Variants in KCTD1 observed in about 807,000 individuals in gnomAD.
KCTD1 encodes potassium channel tetramerization domain containing 1.
Under a neutral mutation model 66.0 loss-of-function variants are expected in KCTD1, and 24 were observed. The observed-to-expected ratio is 0.36, with a 90% CI of 0.26 to 0.51. The LOEUF (loss-of-function observed/expected upper bound fraction) is 0.51. Ranked by LOEUF, KCTD1 falls within the 20% of genes least tolerant of loss-of-function variation. The pLI is 0.95. For synonymous variants in KCTD1, 511 were observed against 517.2 expected, an observed-to-expected ratio of 0.99 and a Z score of 0.16; for missense variants, 943 against 1,205.2, an observed-to-expected ratio of 0.78 and a Z score of 3.22.
At chr18:26,514,977 C>G (rs1184726721) in intron 1 of KCTD1, among the ~76,000 whole-genome samples, 1 of 152,200 alleles carries the variant, frequency 6.6e-6, no homozygotes, top group Non-Finnish European at 1.5e-5. Context: ...GCCCTAAAGA[C>G]AGCAGTGAAC....
At chr18:26,490,640 C>T (rs549851954) in intron 2 of KCTD1, among the ~76,000 whole-genome samples, 8 of 152,158 alleles carry the variant, frequency 5.3e-5, no homozygotes, top group African/African-American at 9.6e-5. Flanking sequence ...AAGGGAGATA[C>T]TAAGCAAAAT....
chr18:26,620,485 G>A (rs1312694791), intron 1 of KCTD1, among the ~76,000 whole-genome samples: 3 of 141,946 alleles, frequency 2.1e-5, no homozygotes, highest in Non-Finnish European at 3.0e-5. Context: ...TGCCCAGGCT[G>A]GAGTGTGGTG....
chr18:26,483,255 ATTTTTCTTTCTTTTCT>A (rs1011648668), intron 2 of KCTD1, among the ~76,000 whole-genome samples: 1 of 152,022 alleles, frequency 6.6e-6, no homozygotes, highest in African/African-American at 2.4e-5. Context: ...TTTAAAGAGT[ATTTTTCTTTCTTTTCT>A]TTTTTCTTTT....
upstream of KCTD1, chr18:26,548,866 TG>T (rs1319836226): frequency 4.0e-6 from 4 of 1,002,414 alleles, no homozygotes; most frequent in Non-Finnish European, 4.7e-6. Flanking sequence ...GAGCTGTCGG[TG>T]GGGGCGAAAC....
At chr18:26,531,879 T>C (rs1179035189) in intron 1 of KCTD1, among the ~76,000 whole-genome samples, 1 of 152,240 alleles carries the variant, frequency 6.6e-6, no homozygotes, top group East Asian at 1.9e-4. Flanking sequence ...ATTACAAATA[T>C]GGATGAAGCA....
In KCTD1 at chr18:26,547,475, G is replaced by A; in HGVS notation, c.1062C>T (p.Tyr354=). ...KFVYFKSLGP[Y]HKSRSSSWSK... ...TCCACGACGACGAGCGCGACTTGTG[G>A]TAGGGCCCGAGGGACTTGAAGTAGA... The change falls in exon 1 of 5, where the codon TAC becomes TAT. Residue 354 remains tyrosine, a synonymous_variant. Coordinates refer to ENST00000580059, the MANE Select transcript of KCTD1 (RefSeq NM_001142730.3). The A allele has an allele frequency of 6.4e-7, 1 of 1,551,540 alleles. No homozygotes were observed. The highest frequency in any genetic ancestry group is 8.7e-7 in the Non-Finnish European group (1 of 1,146,978).
At chr18:26,489,022 C>A (rs1413434699) in intron 2 of KCTD1, among the ~76,000 whole-genome samples, 2 of 152,194 alleles carry the variant, frequency 1.3e-5, no homozygotes, top group African/African-American at 2.4e-5. Flanking sequence ...AAAACACACA[C>A]CTCGTAAGAT....
chr18:26,559,285 G>A (rs1202590371), intron 1 of KCTD1, among the ~76,000 whole-genome samples: 4 of 152,220 alleles, frequency 2.6e-5, no homozygotes, highest in African/African-American at 9.6e-5. Flanking sequence ...AAGGATAAAT[G>A]CTTGAGGGGA....
At chr18:26,599,958 A>G in intron 1 of KCTD1, 2 of 1,602,838 alleles carry the variant, frequency 1.2e-6, no homozygotes, top group South Asian at 1.1e-5. Context: ...CTTCTCCTTC[A>G]GTGAAGCCTG....
At chr18:26,583,874 G>T (rs554594634) in intron 1 of KCTD1, among the ~76,000 whole-genome samples, 2 of 152,336 alleles carry the variant, frequency 1.3e-5, no homozygotes, top group South Asian at 4.1e-4. Flanking sequence ...GACACTCTCA[G>T]TAATGGTAGC....
intron 1 of KCTD1, among the ~76,000 whole-genome samples, chr18:26,624,246 G>T (rs1598972182): frequency 6.6e-6 from 1 of 152,198 alleles, no homozygotes; most frequent in Non-Finnish European, 1.5e-5. Flanking sequence ...CAAGCCAGCT[G>T]CAGAAATTTG....
At chr18:26,502,992 A>T (rs1432378980) in intron 1 of KCTD1, among the ~76,000 whole-genome samples, 1 of 152,260 alleles carries the variant, frequency 6.6e-6, no homozygotes, top group Non-Finnish European at 1.5e-5. Context: ...CACATGTCCA[A>T]GCAAGACTGT....
intron 1 of KCTD1, chr18:26,545,108 C>T (rs1177841874): frequency 1.3e-5 from 2 of 152,168 alleles, no homozygotes; most frequent in Non-Finnish European, 2.9e-5. Flanking sequence ...TTCTATATTA[C>T]ACTGGTGTCA....
At position 26,468,493 on chromosome 18, in the gene KCTD1, T is replaced by A. The variant is rs1186675852; in HGVS notation, c.2133+8022A>T. ...GAAAGAAGCAGGTAATCAATAAACA[T>A]TCTCCCTAACAAACTTAGTGAAAGA... On this transcript the variant is annotated intron_variant, in intron 3 of 4. Coordinates refer to ENST00000580059, the MANE Select transcript of KCTD1 (RefSeq NM_001142730.3). This position sits in a 1 kb window ranked among gnomAD's most constrained non-coding sequence, Gnocchi z 4.8. 6.6e-6 allele frequency among the ~76,000 whole-genome samples: 1 copy of A among 152,114 alleles called. No homozygotes were observed. The highest frequency in any genetic ancestry group is 2.4e-5 in the African/African-American group (1 of 41,428).
chr18:26,476,413 C>T lies in KCTD1; in HGVS notation c.2133+102G>A, dbSNP rs1170134670. 50 of 1,108,386 alleles carry T rather than the reference C, an allele frequency of 4.5e-5. No homozygotes were observed. The highest frequency in any genetic ancestry group is 4.4e-4 in the South Asian group (26 of 59,100). The allele number at this position is 1,108,386 out of a possible 1,614,324, so 68.7% of individuals were successfully genotyped here. ...TGTCAAAGAGAACTCTGGCACCTTT[C>T]GAGTTGGTGTATGTTAATAATGTAG... On this transcript the variant is annotated intron_variant, in intron 3 of 4. Coordinates refer to ENST00000580059, the MANE Select transcript of KCTD1 (RefSeq NM_001142730.3). This position sits in a 1 kb window ranked among gnomAD's most constrained non-coding sequence, Gnocchi z 4.9.
intron 1 of KCTD1, among the ~76,000 whole-genome samples, chr18:26,574,481 A>T (rs1188730291): frequency 6.6e-6 from 1 of 152,252 alleles, no homozygotes; most frequent in African/African-American, 2.4e-5. Context: ...TCAAGAGCAC[A>T]AGGGCTTTGA....
upstream of KCTD1, among the ~76,000 whole-genome samples, chr18:26,633,537 C>T (rs903792911): frequency 3.3e-5 from 5 of 152,106 alleles, no homozygotes; most frequent in South Asian, 8.3e-4. Flanking sequence ...AATAATTACC[C>T]CCCCAAATGT....
At chr18:26,528,926 A>G (rs1984303197) in intron 1 of KCTD1, among the ~76,000 whole-genome samples, 1 of 152,100 alleles carries the variant, frequency 6.6e-6, no homozygotes, top group African/African-American at 2.4e-5. Flanking sequence ...CTGTCACTGT[A>G]ATTTCTTTCT....
At chr18:26,479,540 G>T (rs1422086615) in intron 2 of KCTD1, among the ~76,000 whole-genome samples, 1 of 152,256 alleles carries the variant, frequency 6.6e-6, no homozygotes, top group African/African-American at 2.4e-5. Context: ...GCAGGCAAGG[G>T]GTGTGGAGAG....
Sources: gnomAD v4.1 joint callset for allele counts (sites outside exome capture counted in the v4.1 genomes callset) on GRCh38, gnomAD v4.1.1 for gene constraint, Gnocchi (gnomAD v3.1) non-coding constraint, MANE v1.5 for transcripts, NCBI Gene and HGNC (gene_info 2026-07-23, HGNC 2026-07-21) for gene names.